Variants in CACNA1C observed in about 807,000 individuals in gnomAD.
CACNA1C encodes the protein calcium voltage-gated channel subunit alpha1 C, also known as voltage-dependent L-type calcium channel subunit alpha-1C.
A neutral mutation model predicts 229.0 loss-of-function variants in CACNA1C; 30 were observed. The ratio of observed to expected loss-of-function variants is 0.13; its 90% CI spans 0.10 to 0.18. The LOEUF (loss-of-function observed/expected upper bound fraction) is 0.18. Among genes scored for constraint, CACNA1C ranks in the 10% least tolerant of loss-of-function variants. CACNA1C has a pLI of 1.00. For missense variants in CACNA1C, 1,658 were observed against 2,845.0 expected (o/e 0.58, Z 9.49); for synonymous variants, 1,114 against 1,132.5 (o/e 0.98, Z 0.33).
chr12:2,094,280 T>C (rs1436232144), intron 1 of CACNA1C, among the ~76,000 whole-genome samples: 1 of 152,126 alleles, frequency 6.6e-6, no homozygotes, highest in East Asian at 1.9e-4. Context: ...CTGAGCCCTA[T>C]GGACAGTGCA....
chr12:2,422,867 G>A (rs898675304), intron 3 of CACNA1C, among the ~76,000 whole-genome samples: 3 of 152,150 alleles, frequency 2.0e-5, no homozygotes, highest in East Asian at 1.9e-4. Context: ...ACTCCCTGCC[G>A]GCACAGAACA....
intron 1 of CACNA1C, among the ~76,000 whole-genome samples, chr12:1,982,236 A>T (rs1428335746): frequency 6.6e-6 from 1 of 152,296 alleles, no homozygotes; most frequent in South Asian, 2.1e-4. Flanking sequence ...TATTAAAAAC[A>T]TTAAATTTAC....
chr12:2,665,224 T>C lies in CACNA1C; in HGVS notation c.4398+234T>C, dbSNP rs1189593000. Among the ~76,000 whole-genome samples, 1 of 152,216 alleles carries C rather than the reference T, an allele frequency of 6.6e-6. No homozygotes were observed. Among genetic ancestry groups the C allele is most frequent in the Non-Finnish European group, 1.5e-5 (1 of 68,038 alleles). ...GTTCTTGGCTGTTGTCATGGTGGCA[T>C]TGTCCCAGAGGACAACGGGGACATG... is the stretch of plus-strand genomic sequence containing the variant. On this transcript the variant is annotated intron_variant, in intron 35 of 46. Transcript: ENST00000399655. The surrounding 1 kb of genome is among the most constrained non-coding windows in gnomAD (Gnocchi z 5.9).
chr12:2,356,916 C>A (rs542219915), intron 3 of CACNA1C, among the ~76,000 whole-genome samples: 1 of 152,298 alleles, frequency 6.6e-6, no homozygotes, highest in East Asian at 1.9e-4. Flanking sequence ...GCAATAATGA[C>A]CGGTTTCAAA....
In CACNA1C at chr12:2,142,849, G is replaced by A. The variant is rs968509529; in HGVS notation, c.477+22419G>A. Among the ~76,000 whole-genome samples the A allele has an allele frequency of 4.0e-5, 6 of 151,400 alleles. No individual in the cohort carries two copies. The East Asian group carries it at 1.2e-3, about 29-fold the overall frequency. On this transcript the variant is annotated intron_variant, in intron 3 of 46. Transcript: ENST00000399655. ...GTATTTTTGTACAGCTATACAGTGT[G>A]TTTGTGTTTTAAGCTAAGTGTTATT...
rs1467951035 is a variant in CACNA1C at position 2,403,772 on chromosome 12, G to C, written c.478-45204G>C. 6.6e-6 allele frequency among the ~76,000 whole-genome samples: 1 copy of C among 152,150 alleles called. No homozygotes were observed. Among genetic ancestry groups the C allele is most frequent in the Non-Finnish European group, 1.5e-5 (1 of 68,032 alleles). On this transcript the variant is annotated intron_variant, in intron 3 of 46. Transcript: ENST00000399655. This position sits in a 1 kb window ranked among gnomAD's most constrained non-coding sequence, Gnocchi z 4.1. ...TAGACGTCTGCCACATCACTCAGGGGCTGCGTGGAGCACTCGGTGCCTTTC... is the reference window on the plus strand; with the variant it reads ...TAGACGTCTGCCACATCACTCAGGGCCTGCGTGGAGCACTCGGTGCCTTTC...
chr12:2,315,276 A>G (rs911680572), intron 3 of CACNA1C, among the ~76,000 whole-genome samples: 1 of 152,204 alleles, frequency 6.6e-6, no homozygotes, highest in Non-Finnish European at 1.5e-5. Context: ...GCTCCCTGAC[A>G]TTCATTGATG....
chr12:2,495,925 T>A (rs1176661199), intron 7 of CACNA1C, among the ~76,000 whole-genome samples: 1 of 152,230 alleles, frequency 6.6e-6, no homozygotes, highest in Non-Finnish European at 1.5e-5. Flanking sequence ...TTTCTCTAAT[T>A]GCTTTGACCT....
intron 1 of CACNA1C, among the ~76,000 whole-genome samples, chr12:2,058,391 CTGTT>C (rs758610918): frequency 3.3e-5 from 5 of 152,142 alleles, no homozygotes; most frequent in Non-Finnish European, 5.9e-5. Context: ...AGCTGATAGA[CTGTT>C]TGCGAAACAC....
intron 3 of CACNA1C, among the ~76,000 whole-genome samples, chr12:2,162,396 C>T (rs1295166780): frequency 6.6e-6 from 1 of 151,846 alleles, no homozygotes; most frequent in Non-Finnish European, 1.5e-5. Context: ...TTGCCTTCCA[C>T]ATGGAGGCTG....
Position 2,649,135 on chromosome 12 carries a change from T to G in CACNA1C, c.3945+628T>G, listed in dbSNP as rs1603310544. Among the ~76,000 whole-genome samples the G allele has an allele frequency of 6.6e-6, 1 of 152,216 alleles. No individual in the cohort carries two copies. The highest frequency in any genetic ancestry group is 6.5e-5 in the Admixed American group (1 of 15,288). On this transcript the variant is annotated intron_variant, in intron 31 of 46. Coordinates refer to ENST00000399655, the MANE Select transcript of CACNA1C (RefSeq NM_000719.7). This position sits in a 1 kb window ranked among gnomAD's most constrained non-coding sequence, Gnocchi z 4.4. Reference sequence around the variant, plus strand: ...CGTTAAAATTAGGCTGCAGCCACTGTTCCGCAGCAAGCTGGAAGCAGAAAA... The same window carrying G: ...CGTTAAAATTAGGCTGCAGCCACTGGTCCGCAGCAAGCTGGAAGCAGAAAA...
At chr12:2,652,392 C>T (rs1041009574) in intron 32 of CACNA1C, among the ~76,000 whole-genome samples, 1 of 152,224 alleles carries the variant, frequency 6.6e-6, no homozygotes, top group Non-Finnish European at 1.5e-5. Flanking sequence ...TCGGAGGAGT[C>T]TTTGTAGGTT....
chr12:2,657,491 TG>T (rs1398665736), intron 34 of CACNA1C, among the ~76,000 whole-genome samples: 3 of 152,118 alleles, frequency 2.0e-5, no homozygotes, highest in Admixed American at 2.0e-4. Flanking sequence ...AGAAATGGAA[TG>T]TATATATTCT....
chr12:1,971,124 C>T lies in CACNA1C; in HGVS notation c.62C>T (p.Ser21Phe), dbSNP rs1418424825. The T allele has an allele frequency of 7.8e-7, 1 of 1,289,366 alleles. No homozygotes were observed. Among genetic ancestry groups the T allele is most frequent in the Admixed American group, 2.3e-5 (1 of 43,572 alleles). The allele number at this position is 1,289,366 out of a possible 1,614,324, so 79.9% of individuals were successfully genotyped here. ...TACCAGCCGCTTCCCAGCCACCTGT[C>T]TGCCAACACGGAGGTCAAGTTTAAG... The change falls in exon 1 of 47, where the codon TCT becomes TTT. Residue 21 changes from serine to phenylalanine, a missense_variant. Physicochemically the swap from Ser to Phe is radical, Grantham distance 155. Coordinates refer to the CACNA1C transcript ENST00000682462. The surrounding 1 kb of genome is among the most constrained non-coding windows in gnomAD (Gnocchi z 4.2).
At chr12:2,177,331 C>T (rs1848799511) in intron 3 of CACNA1C, among the ~76,000 whole-genome samples, 1 of 152,122 alleles carries the variant, frequency 6.6e-6, no homozygotes, top group Non-Finnish European at 1.5e-5. Flanking sequence ...AGAGACACTC[C>T]ACCTCAACTT....
intron 1 of CACNA1C, among the ~76,000 whole-genome samples, chr12:2,086,709 C>T (rs2154067433): frequency 6.6e-6 from 1 of 152,298 alleles, no homozygotes; most frequent in Non-Finnish European, 1.5e-5. Context: ...TTGACGTTTT[C>T]TCCATTCAGC....
At chr12:2,437,356 T>G (rs1297097894) in intron 3 of CACNA1C, among the ~76,000 whole-genome samples, 1 of 152,150 alleles carries the variant, frequency 6.6e-6, no homozygotes, top group Non-Finnish European at 1.5e-5. Context: ...CTGACAATTG[T>G]GCCAGGTAAA....
intron 5 of CACNA1C, 101 bp downstream of exon 5, chr12:2,457,807 T>C: frequency 1.9e-6 from 2 of 1,079,342 alleles, no homozygotes; most frequent in Non-Finnish European, 2.5e-6. Flanking sequence ...CCTGATTCCA[T>C]ATAAATGGAG....
At chr12:2,336,890 A>G (rs1410256328) in intron 3 of CACNA1C, among the ~76,000 whole-genome samples, 1 of 152,130 alleles carries the variant, frequency 6.6e-6, no homozygotes, top group Non-Finnish European at 1.5e-5. Context: ...ACAGGATGAG[A>G]TACTACTCTT....
Sources: allele counts gnomAD v4.1 joint callset (sites outside exome capture counted in the v4.1 genomes callset), GRCh38; gene constraint gnomAD v4.1.1; non-coding constraint Gnocchi (gnomAD v3.1); transcripts MANE v1.5; gene names NCBI Gene and HGNC (gene_info 2026-07-23, HGNC 2026-07-21).